The following REPS2 variants were observed in gnomAD, a reference collection of about 807,000 sequenced individuals.
The protein encoded by REPS2 is RALBP1 associated Eps domain containing 2, also known as ralBP1-associated Eps domain-containing protein 2.
In REPS2, 23 loss-of-function variants were observed where a neutral mutation model predicts 53.6. That is an observed-to-expected ratio of 0.43 (90% confidence interval 0.31 to 0.61). REPS2 has a LOEUF of 0.61. REPS2 is among the 20% of genes least tolerant of loss of function. The probability of loss-of-function intolerance (pLI) is 0.11; values close to 1 mark genes in which losing one functional copy is unlikely to be tolerated. For missense variants in REPS2, 446 were observed against 534.9 expected (o/e 0.83, Z 1.64); for synonymous variants, 238 against 218.6 (o/e 1.09, Z -0.78).
At chrX:17,045,527 C>G (rs1025700910) in intron 5 of REPS2, among the ~76,000 whole-genome samples, 5 of 108,919 alleles carry the variant, frequency 4.6e-5, no homozygotes, top group African/African-American at 1.7e-4. Flanking sequence ...AAGGTATTAA[C>G]TAATGGATAA....
chrX:17,035,837 T>C (rs543677913), intron 5 of REPS2, among the ~76,000 whole-genome samples: 1 of 111,877 alleles, frequency 8.9e-6, no homozygotes, highest in East Asian at 2.8e-4. Flanking sequence ...ATAGGTATTA[T>C]ATATAATTAC....
At chrX:17,070,020 T>G in intron 11 of REPS2, 27 bp downstream of exon 11, 1 of 795,224 alleles carries the variant, frequency 1.3e-6, no homozygotes, top group Non-Finnish European at 1.7e-6. Flanking sequence ...TTTGTATACT[T>G]TATATATAAT....
intron 1 of REPS2, among the ~76,000 whole-genome samples, chrX:16,948,611 T>C (rs1452626129): frequency 8.9e-6 from 1 of 112,213 alleles, no homozygotes; most frequent in Non-Finnish European, 1.9e-5. Flanking sequence ...CTTATTTTGT[T>C]GTCAGTAATG....
At chrX:17,058,014 C>G (rs934996503) in intron 8 of REPS2, among the ~76,000 whole-genome samples, 1 of 112,429 alleles carries the variant, frequency 8.9e-6, no homozygotes. Flanking sequence ...CATACCCACA[C>G]TGAGTTTTCT....
At position 17,065,082 on chromosome X, in the gene REPS2, A is replaced by G. The variant is rs774607624; in HGVS notation, c.1209+2550A>G. ...TTTGGCTATTGTAAATAATGCTGCT[A>G]TGAACATAGATGTACAAGTTTTTGT... On this transcript the variant is annotated intron_variant, in intron 9 of 17. Coordinates refer to ENST00000357277, the MANE Select transcript of REPS2 (RefSeq NM_004726.3). Among the ~76,000 whole-genome samples, 10 of 112,329 alleles carry G rather than the reference A, an allele frequency of 8.9e-5. No individual in the cohort carries two copies. The South Asian group carries it at 1.5e-3, about 17-fold the overall frequency.
intron 1 of REPS2, among the ~76,000 whole-genome samples, chrX:16,965,101 A>C (rs1181252578): frequency 1.5e-4 from 8 of 54,518 alleles, no homozygotes; most frequent in Admixed American, 2.1e-4. Context: ...TGACCCCCCC[A>C]CCTCCCTCCC....
At chrX:16,990,788 A>G in intron 1 of REPS2, among the ~76,000 whole-genome samples, 1 of 110,778 alleles carries the variant, frequency 9.0e-6, no homozygotes, top group South Asian at 3.9e-4. Context: ...GGCAAAGGGT[A>G]CATAGGATCT....
At chrX:16,975,676 A>G (rs2060947198) in intron 1 of REPS2, among the ~76,000 whole-genome samples, 1 of 111,900 alleles carries the variant, frequency 8.9e-6, no homozygotes, top group South Asian at 3.7e-4. Context: ...TTAAGTGTTA[A>G]CTATTTTTAG....
intron 9 of REPS2, among the ~76,000 whole-genome samples, chrX:17,063,469 CCT>C (rs765117557): frequency 9.0e-6 from 1 of 111,661 alleles, no homozygotes; most frequent in Non-Finnish European, 1.9e-5. Context: ...CGTCTGCTCC[CCT>C]GTGAGCCAGT....
chrX:16,997,877 A>G (rs1196434091), intron 1 of REPS2, among the ~76,000 whole-genome samples: 3 of 111,804 alleles, frequency 2.7e-5, no homozygotes, highest in Non-Finnish European at 3.8e-5. Context: ...TTGAATTCTC[A>G]TCTTTAAGAA....
chrX:17,050,435 A>G (rs1439670404), intron 6 of REPS2, among the ~76,000 whole-genome samples: 2 of 108,071 alleles, frequency 1.9e-5, no homozygotes, highest in East Asian at 3.0e-4. Context: ...AGATACACAA[A>G]TAGTTACTAT....
chrX:16,966,180 C>T (rs923227447), intron 1 of REPS2, among the ~76,000 whole-genome samples: 1 of 111,960 alleles, frequency 8.9e-6, no homozygotes, highest in Non-Finnish European at 1.9e-5. Flanking sequence ...AACATTTTGT[C>T]GTCATCATCT....
chrX:16,955,533 G>T lies in REPS2; in HGVS notation c.273+8399G>T, dbSNP rs1036423570. Among the ~76,000 whole-genome samples, 3 of 111,602 alleles carry T rather than the reference G, an allele frequency of 2.7e-5. No homozygotes were observed. In the South Asian group the frequency reaches 1.1e-3, roughly 42 times the overall value. Reference sequence around the variant, plus strand: ...TGTCTGGAGCTTGGAGTCCTCTGTGGAGGTCCAACACTTGGTTGCAGAATT... The same window carrying T: ...TGTCTGGAGCTTGGAGTCCTCTGTGTAGGTCCAACACTTGGTTGCAGAATT... On this transcript the variant is annotated intron_variant, in intron 1 of 17. Coordinates refer to ENST00000357277, the MANE Select transcript of REPS2 (RefSeq NM_004726.3).
intron 13 of REPS2, among the ~76,000 whole-genome samples, chrX:17,083,298 A>T (rs1208779574): frequency 1.8e-5 from 2 of 109,542 alleles, no homozygotes; most frequent in African/African-American, 6.7e-5. Flanking sequence ...GTTAGCCAGG[A>T]TGGTCTCAAT....
At chrX:17,132,685 C>T (rs1369926944) in intron 14 of REPS2, among the ~76,000 whole-genome samples, 2 of 112,005 alleles carry the variant, frequency 1.8e-5, no homozygotes, top group Admixed American at 9.4e-5. Flanking sequence ...TTACAGGAAC[C>T]CATCATCACG....
chrX:17,157,201 C>A (rs2063620599), downstream of REPS2, among the ~76,000 whole-genome samples: 1 of 111,637 alleles, frequency 9.0e-6, no homozygotes. Flanking sequence ...CTGACCATGG[C>A]AAGGACATCA....
intron 1 of REPS2, among the ~76,000 whole-genome samples, chrX:16,966,548 C>G (rs977959925): frequency 8.9e-6 from 1 of 112,375 alleles, no homozygotes; most frequent in African/African-American, 3.2e-5. Context: ...TTTAAATAAG[C>G]TTGTGCATGA....
At chrX:17,132,018 C>G (rs1245061528) in intron 14 of REPS2, among the ~76,000 whole-genome samples, 1 of 108,985 alleles carries the variant, frequency 9.2e-6, no homozygotes, top group Non-Finnish European at 1.9e-5. Context: ...ATACAACTTT[C>G]AGACTCCCTC....
chrX:16,969,344 A>T (rs1226897412), intron 1 of REPS2, among the ~76,000 whole-genome samples: 1 of 111,886 alleles, frequency 8.9e-6, no homozygotes, highest in Non-Finnish European at 1.9e-5. Flanking sequence ...CAGAGGCTGC[A>T]ATCTCGGCAC....
Sources: allele counts gnomAD v4.1 joint callset (sites outside exome capture counted in the v4.1 genomes callset), GRCh38; gene constraint gnomAD v4.1.1; transcripts MANE v1.5; gene names NCBI Gene and HGNC (gene_info 2026-07-23, HGNC 2026-07-21).